MALRD1: variants seen among roughly 807,000 people sequenced by gnomAD.
MALRD1 encodes the protein MAM and LDL receptor class A domain containing 1.
In MALRD1, 247 loss-of-function variants were observed where a neutral mutation model predicts 242.1. The ratio of observed to expected loss-of-function variants is 1.02; its 90% confidence interval spans 0.92 to 1.13. MALRD1 has a LOEUF of 1.13. Ranked by LOEUF, MALRD1 falls within the 50% of genes most tolerant of loss-of-function variation. The pLI, the probability that MALRD1 is intolerant of heterozygous loss-of-function variation, is 0.00. For missense variants in MALRD1, 2,989 were observed against 2,533.1 expected (o/e 1.18, Z -3.86); for synonymous variants, 995 against 866.6 (o/e 1.15, Z -2.60).
At chr10:19,224,494 T>C (rs1010818029) in intron 18 of MALRD1, among the ~76,000 whole-genome samples, 1 of 152,128 alleles carries the variant, frequency 6.6e-6, no homozygotes, top group Non-Finnish European at 1.5e-5. Flanking sequence ...AGTTTCACCA[T>C]ATTGGCCAGG....
At chr10:19,331,253 A>G (rs1588921852) in intron 23 of MALRD1, 116 bp from the exon 24 acceptor site, 2 of 929,334 alleles carry the variant, frequency 2.2e-6, no homozygotes, top group African/African-American at 3.3e-5. Context: ...AAAAACAAAA[A>G]CAAAAAAACA....
intron 21 of MALRD1, among the ~76,000 whole-genome samples, chr10:19,284,567 C>T (rs1841014497): frequency 6.6e-6 from 1 of 151,460 alleles, no homozygotes; most frequent in Admixed American, 6.6e-5. Flanking sequence ...CATGTCCCTA[C>T]AAAGGACATG....
Position 19,692,519 on chromosome 10 carries a change from C to T in MALRD1, c.6279C>T (p.Val2093=), listed in dbSNP as rs1402372090. Residue 2093 remains valine (V), a synonymous_variant, in exon 38 of 40, where the codon GTC becomes GTT. Coordinates refer to ENST00000454679, the MANE Select transcript of MALRD1 (RefSeq NM_001142308.3). ...AFLMTHITVA[V]LCFLANRKVP... ...TGATGACTCACATCACAGTTGCAGT[C>T]TTGTGTTTTCTTGCAAACAGAAAGG... 3.3e-6 allele frequency: 5 copies of T among 1,535,526 alleles called. No individual in the cohort carries two copies. Among genetic ancestry groups the T allele is most frequent in the Non-Finnish European group, 4.4e-6 (5 of 1,146,466 alleles).
intron 5 of MALRD1, among the ~76,000 whole-genome samples, chr10:19,121,229 T>C (rs1462269606): frequency 6.7e-6 from 1 of 150,332 alleles, no homozygotes; most frequent in Non-Finnish European, 1.5e-5. Context: ...TTAGTAGAGA[T>C]GGGGTTTCAC....
intron 33 of MALRD1, among the ~76,000 whole-genome samples, chr10:19,576,269 T>G (rs1206788019): frequency 6.6e-6 from 1 of 152,204 alleles, no homozygotes; most frequent in Non-Finnish European, 1.5e-5. Context: ...AAAGTGCTGG[T>G]TGGAGCATAC....
At chr10:19,350,466 A>C (rs938193328) in intron 25 of MALRD1, among the ~76,000 whole-genome samples, 7 of 151,526 alleles carry the variant, frequency 4.6e-5, no homozygotes, top group Non-Finnish European at 7.4e-5. Flanking sequence ...TAGTAAAGAC[A>C]GGGTTTCACC....
chr10:19,447,410 G>C (rs1796756739), intron 28 of MALRD1, among the ~76,000 whole-genome samples: 1 of 152,130 alleles, frequency 6.6e-6, no homozygotes, highest in Non-Finnish European at 1.5e-5. Context: ...ATCACCATTA[G>C]GTTGATCCAT....
rs61437328 is a variant in MALRD1 at position 19,705,804 on chromosome 10, T to TAAA, written c.6314+13262_6314+13264dup. Among the ~76,000 whole-genome samples, 318 of 102,874 alleles carry TAAA rather than the reference T, an allele frequency of 3.1e-3. 16 individuals carry two copies. The highest frequency in any genetic ancestry group is 0.015 in the African/African-American group (305 of 21,024). 67.5% of individuals were successfully genotyped at this position (102,874 alleles called of 152,430 possible). A position where few individuals can be genotyped will look rare whatever the true frequency, so the allele number is the denominator to read the frequency against. ...ACCTTGTTCTCATGTCCTGCAATAG[T>TAAA]AAAAAAAAAAAAAAGCCCACAAGAG... On this transcript the variant is annotated intron_variant, in intron 38 of 39. Transcript: ENST00000454679.
chr10:19,366,331 G>C (rs1257098617), intron 26 of MALRD1, among the ~76,000 whole-genome samples: 1 of 151,980 alleles, frequency 6.6e-6, no homozygotes. Flanking sequence ...AAATAATAGG[G>C]TTTGCGCTCC....
chr10:19,701,291 C>G (rs1452714567), intron 38 of MALRD1, among the ~76,000 whole-genome samples: 2 of 152,084 alleles, frequency 1.3e-5, no homozygotes, highest in South Asian at 2.1e-4. Flanking sequence ...TCCTTACTCT[C>G]AGGTCTTCAG....
intron 18 of MALRD1, among the ~76,000 whole-genome samples, chr10:19,222,801 C>T (rs1353617930): frequency 2.0e-5 from 3 of 152,008 alleles, no homozygotes; most frequent in African/African-American, 7.2e-5. Context: ...GTTTTGCTTG[C>T]TTTATATTGA....
At chr10:19,473,022 C>G (rs1288496410) in intron 29 of MALRD1, among the ~76,000 whole-genome samples, 2 of 150,526 alleles carry the variant, frequency 1.3e-5, no homozygotes, top group Non-Finnish European at 3.0e-5. Context: ...ATTCCAATGA[C>G]AATATTCCAC....
At chr10:19,668,778 A>G (rs1173832535) in intron 36 of MALRD1, among the ~76,000 whole-genome samples, 2 of 152,166 alleles carry the variant, frequency 1.3e-5, no homozygotes, top group East Asian at 3.8e-4. Flanking sequence ...CTCCTCCAAA[A>G]AAAGAGTATA....
At chr10:19,431,575 T>G (rs1834128911) in intron 28 of MALRD1, among the ~76,000 whole-genome samples, 1 of 152,218 alleles carries the variant, frequency 6.6e-6, no homozygotes, top group African/African-American at 2.4e-5. Flanking sequence ...ACATTTTGCT[T>G]TTAGCACTCC....
At chr10:19,453,875 T>A (rs1835465309) in intron 29 of MALRD1, among the ~76,000 whole-genome samples, 4 of 130,492 alleles carry the variant, frequency 3.1e-5, no homozygotes, top group Admixed American at 2.5e-4. Context: ...AGACTCCGTC[T>A]GAAAAAAAAA....
At chr10:19,101,244 A>G (rs911642017) in intron 4 of MALRD1, among the ~76,000 whole-genome samples, 1 of 90,092 alleles carries the variant, frequency 1.1e-5, no homozygotes, top group African/African-American at 6.5e-5. Context: ...GTTTGATTTG[A>G]AATACATATA....
At chr10:19,207,441 C>G (rs147014620) in intron 17 of MALRD1, among the ~76,000 whole-genome samples, 2 of 152,238 alleles carry the variant, frequency 1.3e-5, no homozygotes, top group African/African-American at 4.8e-5. Flanking sequence ...AGAATAGTAC[C>G]TAGTCCTATA....
In MALRD1 at chr10:19,327,684, C is replaced by T. The variant is rs1431115891; in HGVS notation, c.3687+11C>T. Reference sequence around the variant, plus strand: ...CGTTCACATACACAGGTGTGTAATACAGGTAGTTATGGGGTGAGTGAGTTC... The same window carrying T: ...CGTTCACATACACAGGTGTGTAATATAGGTAGTTATGGGGTGAGTGAGTTC... On this transcript the variant is annotated intron_variant, in intron 23 of 39. Coordinates refer to ENST00000454679, the MANE Select transcript of MALRD1 (RefSeq NM_001142308.3). The T allele has an allele frequency of 2.6e-6, 4 of 1,535,914 alleles. No homozygotes were observed. In the Admixed American group the frequency reaches 7.9e-5, roughly 30 times the overall value.
intron 33 of MALRD1, among the ~76,000 whole-genome samples, chr10:19,568,342 TTTGTTG>T (rs911371161): frequency 4.1e-5 from 6 of 145,102 alleles, no homozygotes; most frequent in African/African-American, 1.7e-4. Flanking sequence ...TAAAAGTGGT[TTTGTTG>T]TTGTTGTTGT....
Sources: gnomAD v4.1 joint callset for allele counts (sites outside exome capture counted in the v4.1 genomes callset) on GRCh38, gnomAD v4.1.1 for gene constraint, MANE v1.5 for transcripts, NCBI Gene and HGNC (gene_info 2026-07-23, HGNC 2026-07-21) for gene names.